BTBD9: variants seen among roughly 807,000 people sequenced by gnomAD.
BTBD9 encodes BTB domain containing 9.
BTBD9 carries 49 observed loss-of-function variants against 64.3 expected under a neutral mutation model. That is an observed-to-expected ratio of 0.76 (90% CI 0.61 to 0.97). The LOEUF (loss-of-function observed/expected upper bound fraction) is 0.97, where lower values mean the gene tolerates loss of function less well. Among genes scored for constraint, BTBD9 ranks in the 50% least tolerant of loss-of-function variants. The pLI is 0.00. For synonymous variants in BTBD9, 260 were observed against 274.7 expected, an observed-to-expected ratio of 0.95 and a Z score of 0.53; for missense variants, 598 against 762.1, an observed-to-expected ratio of 0.78 and a Z score of 2.53.
chr6:38,571,521 T>C lies in BTBD9; in HGVS notation c.1154+6079A>G, dbSNP rs190575683. 5.9e-5 allele frequency among the ~76,000 whole-genome samples: 9 copies of C among 152,350 alleles called. No homozygotes were observed. The East Asian group carries it at 1.5e-3, about 26-fold the overall frequency. On this transcript the variant is annotated intron_variant, in intron 6 of 10. Coordinates refer to ENST00000481247, the MANE Select transcript of BTBD9 (RefSeq NM_001099272.2). The stretch of plus-strand genomic sequence containing the variant: ...AATGAGGGGGGCCTAGAATGTATAG[T>C]AGCAATAAATGAGATTAAAATGCCA...
Position 38,496,621 on chromosome 6 carries a change from T to C in BTBD9, c.1154+80979A>G, listed in dbSNP as rs1344892440. 2.0e-5 allele frequency among the ~76,000 whole-genome samples: 3 copies of C among 147,512 alleles called. No individual in the cohort carries two copies. In the Admixed American group the frequency reaches 2.0e-4, roughly 10 times the overall value. ...ACATGATCACACCACTGCACTGCAC[T>C]GCAGCCTGGGTGACAGAGCAAGACC... is the stretch of plus-strand genomic sequence containing the variant. On this transcript the variant is annotated intron_variant, in intron 6 of 10. Coordinates refer to ENST00000481247, the MANE Select transcript of BTBD9 (RefSeq NM_001099272.2).
intron 9 of BTBD9, among the ~76,000 whole-genome samples, chr6:38,245,289 A>G (rs1003677825): frequency 2.6e-5 from 4 of 152,216 alleles, no homozygotes; most frequent in Non-Finnish European, 5.9e-5. Context: ...GTTTTATGAG[A>G]GGGGATAACA....
At chr6:38,318,514 T>C (rs988670911) in intron 7 of BTBD9, among the ~76,000 whole-genome samples, 5 of 152,224 alleles carry the variant, frequency 3.3e-5, no homozygotes, top group African/African-American at 7.2e-5. Flanking sequence ...GTAGTTCTTA[T>C]AGACTCATAG....
chr6:38,230,158 T>A (rs1434873874), intron 9 of BTBD9, among the ~76,000 whole-genome samples: 1 of 152,140 alleles, frequency 6.6e-6, no homozygotes, highest in African/African-American at 2.4e-5. Flanking sequence ...TTAGCCCCCT[T>A]CTGATTTGTT....
chr6:38,263,781 T>G (rs1436774903), intron 8 of BTBD9, among the ~76,000 whole-genome samples: 2 of 152,198 alleles, frequency 1.3e-5, no homozygotes, highest in Admixed American at 1.3e-4. Context: ...TCCTCTAGTA[T>G]TCCGTGAGAA....
chr6:38,383,724 G>A (rs7759629), intron 6 of BTBD9, among the ~76,000 whole-genome samples: 60,969 of 152,088 alleles, frequency 0.4, 15,166 homozygotes, highest in East Asian at 0.95. Flanking sequence ...AAAGTTGCCA[G>A]AAGAACTGGT....
chr6:38,566,941 C>T (rs1775549747), intron 6 of BTBD9, among the ~76,000 whole-genome samples: 1 of 152,206 alleles, frequency 6.6e-6, no homozygotes, highest in African/African-American at 2.4e-5. Flanking sequence ...CTAAATCCTA[C>T]TCTCTCTAAC....
At chr6:38,248,077 T>A (rs1364276270) in intron 9 of BTBD9, among the ~76,000 whole-genome samples, 1 of 152,244 alleles carries the variant, frequency 6.6e-6, no homozygotes, top group Admixed American at 6.5e-5. Context: ...CATATTTCCT[T>A]TTGGCTTTCT....
chr6:38,452,423 A>G (rs1162913509), intron 6 of BTBD9, among the ~76,000 whole-genome samples: 1 of 152,146 alleles, frequency 6.6e-6, no homozygotes, highest in Non-Finnish European at 1.5e-5. Flanking sequence ...AAGTTTAACA[A>G]AAACCGTGTT....
intron 6 of BTBD9, among the ~76,000 whole-genome samples, chr6:38,514,313 C>T (rs186504719): frequency 1.4e-4 from 22 of 152,330 alleles, no homozygotes; most frequent in Non-Finnish European, 2.8e-4. Flanking sequence ...TAATATGTGT[C>T]TATTCTTCTT....
chr6:38,556,050 C>CAAAAG (rs1774997675), intron 6 of BTBD9, among the ~76,000 whole-genome samples: 3 of 152,250 alleles, frequency 2.0e-5, no homozygotes, highest in African/African-American at 7.2e-5. Context: ...TTCTGTTTCC[C>CAAAAG]TATGCAACCT....
intron 6 of BTBD9, among the ~76,000 whole-genome samples, chr6:38,521,999 A>G (rs907184131): frequency 6.6e-6 from 1 of 152,104 alleles, no homozygotes; most frequent in African/African-American, 2.4e-5. Context: ...CTAAGTTATC[A>G]GTTTTTACAC....
rs145378743 is a variant in BTBD9 at position 38,333,865 on chromosome 6, G to A, written c.1264+11119C>T. 1.3e-3 allele frequency among the ~76,000 whole-genome samples: 193 copies of A among 152,310 alleles called. 1 individual carries two copies. Among genetic ancestry groups the A allele is most frequent in the African/African-American group, 4.5e-3 (187 of 41,558 alleles). ...TACAACGATACCTGAAAATGTGGAA[G>A]CAACTTTGGAACTGGGTAATAGGTA... On this transcript the variant is annotated intron_variant, in intron 7 of 10. Coordinates refer to ENST00000481247, the MANE Select transcript of BTBD9 (RefSeq NM_001099272.2).
At chr6:38,314,462 C>T (rs1302844170) in intron 7 of BTBD9, among the ~76,000 whole-genome samples, 1 of 152,052 alleles carries the variant, frequency 6.6e-6, no homozygotes, top group African/African-American at 2.4e-5. Context: ...AACAGAATAA[C>T]ACTGACCTTG....
intron 6 of BTBD9, among the ~76,000 whole-genome samples, chr6:38,383,356 A>C (rs1464601168): frequency 6.6e-6 from 1 of 152,218 alleles, no homozygotes; most frequent in Non-Finnish European, 1.5e-5. Flanking sequence ...AATATAAGGC[A>C]ATTTTCTTAA....
chr6:38,491,591 G>A (rs922212789), intron 6 of BTBD9, among the ~76,000 whole-genome samples: 2 of 151,910 alleles, frequency 1.3e-5, no homozygotes, highest in African/African-American at 4.8e-5. Flanking sequence ...GAAATGTTAT[G>A]TCCTAATTTA....
intron 8 of BTBD9, among the ~76,000 whole-genome samples, chr6:38,274,965 A>G (rs959965135): frequency 7.2e-5 from 11 of 152,180 alleles, no homozygotes; most frequent in African/African-American, 1.2e-4. Context: ...TCAAGCTACC[A>G]ATGACTTTCT....
intron 7 of BTBD9, among the ~76,000 whole-genome samples, chr6:38,312,531 GT>G (rs1162671613): frequency 3.9e-4 from 59 of 152,290 alleles, no homozygotes; most frequent in South Asian, 1.2e-3. Flanking sequence ...TAGCTTTGTA[GT>G]TTGAGAGAGT....
chr6:38,288,212 A>T, intron 8 of BTBD9, 60 bp downstream of exon 8: 1 of 1,485,550 alleles, frequency 6.7e-7, no homozygotes, highest in Non-Finnish European at 9.2e-7. Context: ...TTTTACCAAA[A>T]TACAATCTAT....
Sources: gnomAD v4.1 joint callset for allele counts (sites outside exome capture counted in the v4.1 genomes callset) on GRCh38, gnomAD v4.1.1 for gene constraint, MANE v1.5 for transcripts, NCBI Gene and HGNC (gene_info 2026-07-23, HGNC 2026-07-21) for gene names.